Variants in KATNBL1 observed in about 807,000 individuals in gnomAD.
KATNBL1 encodes KATNB1-like protein 1.
KATNBL1 carries 28 observed loss-of-function variants against 44.7 expected under a neutral mutation model. That is an observed-to-expected ratio of 0.63 (90% CI 0.46 to 0.86). KATNBL1 has a LOEUF of 0.86. KATNBL1 is among the 40% of genes least tolerant of loss of function. KATNBL1 has a pLI of 0.00. For missense variants in KATNBL1, 272 were observed against 350.7 expected, an observed-to-expected ratio of 0.78 and a Z score of 1.79; for synonymous variants, 78 against 114.9, an observed-to-expected ratio of 0.68 and a Z score of 2.06.
intron 1 of KATNBL1, among the ~76,000 whole-genome samples, chr15:34,192,092 C>T (rs937422337): frequency 3.3e-5 from 5 of 151,678 alleles, no homozygotes; most frequent in African/African-American, 1.2e-4. Context: ...ATTATACTAT[C>T]CTCTCTGCTT....
At chr15:34,144,965 T>G in intron 9 of KATNBL1, 2 of 557,226 alleles carry the variant, frequency 3.6e-6, no homozygotes, top group Non-Finnish European at 4.6e-6. Flanking sequence ...AAAGTCAAAT[T>G]CACTGTGATT....
At chr15:34,158,873 C>T (rs1471448193) in intron 2 of KATNBL1, among the ~76,000 whole-genome samples, 1 of 152,136 alleles carries the variant, frequency 6.6e-6, no homozygotes, top group Non-Finnish European at 1.5e-5. Flanking sequence ...AGTGCTGCCC[C>T]ATTTGAAAGG....
At chr15:34,206,437 TAG>T (rs1890293549) in intron 1 of KATNBL1, among the ~76,000 whole-genome samples, 1 of 152,124 alleles carries the variant, frequency 6.6e-6, no homozygotes, top group South Asian at 2.1e-4. Flanking sequence ...ATTAAGCTGG[TAG>T]TGAAAAAATA....
Position 34,189,629 on chromosome 15 carries a change from T to A in KATNBL1, c.-15+20322A>T, listed in dbSNP as rs527736105. Reference sequence around the variant, plus strand: ...TAACCAAAATGAAAAAACAAAAATGTTTACTCTTTGATAGAGAGGAGACAG... The same window carrying A: ...TAACCAAAATGAAAAAACAAAAATGATTACTCTTTGATAGAGAGGAGACAG... On this transcript the variant is annotated intron_variant, in intron 1 of 9. Transcript: ENST00000256544. Among the ~76,000 whole-genome samples, 6 of 152,290 alleles carry A rather than the reference T, an allele frequency of 3.9e-5. No individual in the cohort carries two copies. The South Asian group carries it at 1.2e-3, about 32-fold the overall frequency.
chr15:34,160,719 T>C lies in KATNBL1; in HGVS notation c.117+2841A>G, dbSNP rs373682065. ...ATTATTGTTGCTAGCTTTATACTTT[T>C]TAATCCCTTACCTTACTTGGGGTAT... On this transcript the variant is annotated intron_variant, in intron 2 of 9. Transcript: ENST00000256544. Among the ~76,000 whole-genome samples, 5 of 152,308 alleles carry C rather than the reference T, an allele frequency of 3.3e-5. No individual in the cohort carries two copies. In the East Asian group the frequency reaches 7.7e-4, roughly 23 times the overall value.
intron 1 of KATNBL1, among the ~76,000 whole-genome samples, chr15:34,177,284 A>G (rs1382467816): frequency 6.6e-6 from 1 of 152,180 alleles, no homozygotes; most frequent in African/African-American, 2.4e-5. Flanking sequence ...AGTAGCTGTC[A>G]CCTACCAGAA....
chr15:34,209,106 G>T (rs899359270), intron 1 of KATNBL1: 1 of 152,158 alleles, frequency 6.6e-6, no homozygotes, highest in East Asian at 1.9e-4. Context: ...GCTAATATTA[G>T]TTATTAGCCA....
intron 1 of KATNBL1, among the ~76,000 whole-genome samples, chr15:34,195,830 T>C (rs1890015762): frequency 6.6e-6 from 1 of 152,172 alleles, no homozygotes; most frequent in Admixed American, 6.5e-5. Context: ...TTGTGGAATA[T>C]ACAAAATAGT....
intron 2 of KATNBL1, 27 bp downstream of exon 2, chr15:34,163,533 T>C (rs370495989): frequency 1.9e-6 from 3 of 1,576,514 alleles, no homozygotes; most frequent in Admixed American, 2.0e-5. Context: ...AATTGTCTTA[T>C]CTGTTTTCTA....
At chr15:34,148,899 C>A (rs1888387622) in intron 4 of KATNBL1, 149 bp from the exon 5 acceptor site, 3 of 547,410 alleles carry the variant, frequency 5.5e-6, no homozygotes, top group Non-Finnish European at 9.9e-6. Flanking sequence ...TGCAGTTGAC[C>A]ACAGTAAACA....
intron 1 of KATNBL1, among the ~76,000 whole-genome samples, chr15:34,173,304 T>C (rs762044696): frequency 1.3e-5 from 2 of 152,194 alleles, no homozygotes; most frequent in African/African-American, 4.8e-5. Flanking sequence ...AGGTACATCA[T>C]TGCTACATTT....
intron 1 of KATNBL1, among the ~76,000 whole-genome samples, chr15:34,173,112 G>C (rs1286427913): frequency 6.9e-6 from 1 of 144,084 alleles, no homozygotes; most frequent in Non-Finnish European, 1.5e-5. Flanking sequence ...AACATAGGAA[G>C]AAAAAAAAAA....
At chr15:34,209,323 C>G (rs1219914352) in intron 1 of KATNBL1, 1 of 152,106 alleles carries the variant, frequency 6.6e-6, no homozygotes, top group Non-Finnish European at 1.5e-5. Flanking sequence ...TCTCTGTTTT[C>G]AAGGAACTTT....
rs796852002 is a variant in KATNBL1 at position 34,145,654 on chromosome 15, A to T, written c.789-163T>A. On this transcript the variant is annotated intron_variant, in intron 8 of 9. Coordinates refer to ENST00000256544, the MANE Select transcript of KATNBL1 (RefSeq NM_024713.3). ...ACATTTGGGAACGTGGAGAGAAATT[A>T]AAAAAAAATCAAATAACTTTTAGAA... 873 of 428,210 alleles carry T rather than the reference A, an allele frequency of 2.0e-3. 10 individuals are homozygous for T. In the African/African-American group the frequency reaches 0.03, roughly 15 times the overall value. The allele number at this position is 428,210 out of a possible 1,614,324, so 26.5% of individuals were successfully genotyped here.
chr15:34,142,505 G>A, intron 9 of KATNBL1, 134 bp from the exon 10 acceptor site: 1 of 908,678 alleles, frequency 1.1e-6, no homozygotes, highest in Non-Finnish European at 1.6e-6. Flanking sequence ...GACGTGCCTT[G>A]TTCAGTGCTT....
chr15:34,186,132 A>G (rs996499911), intron 1 of KATNBL1, among the ~76,000 whole-genome samples: 3 of 152,276 alleles, frequency 2.0e-5, no homozygotes, highest in African/African-American at 7.2e-5. Flanking sequence ...GAGTCTGGTC[A>G]TTGATCTTTC....
intron 1 of KATNBL1, among the ~76,000 whole-genome samples, chr15:34,176,951 C>T (rs569564540): frequency 7.9e-5 from 12 of 151,856 alleles, no homozygotes; most frequent in African/African-American, 2.2e-4. Flanking sequence ...GGCCTCTATG[C>T]GCTTTTGAAG....
At chr15:34,185,924 C>T (rs2140976666) in intron 1 of KATNBL1, among the ~76,000 whole-genome samples, 1 of 152,228 alleles carries the variant, frequency 6.6e-6, no homozygotes, top group South Asian at 2.1e-4. Context: ...GTTTTAGTTC[C>T]ATGATACTGT....
At chr15:34,175,451 T>C (rs1390912983) in intron 1 of KATNBL1, among the ~76,000 whole-genome samples, 1 of 152,206 alleles carries the variant, frequency 6.6e-6, no homozygotes, top group African/African-American at 2.4e-5. Context: ...ATCTATAAAA[T>C]CATTTTTTTC....
Sources: gnomAD v4.1 joint callset for allele counts (sites outside exome capture counted in the v4.1 genomes callset) on GRCh38, gnomAD v4.1.1 for gene constraint, MANE v1.5 for transcripts, NCBI Gene and HGNC (gene_info 2026-07-23, HGNC 2026-07-21) for gene names.